ARHGAP42: variants seen among roughly 807,000 people sequenced by gnomAD.
ARHGAP42 encodes the protein rho GTPase-activating protein 42.
A neutral mutation model predicts 125.0 loss-of-function variants in ARHGAP42; 63 were observed. That is an observed-to-expected ratio of 0.50 (90% CI 0.41 to 0.62). The LOEUF is 0.62. ARHGAP42 is among the 20% of genes least tolerant of loss of function. The pLI, the probability that ARHGAP42 is intolerant of heterozygous loss-of-function variation, is 0.00. For synonymous variants in ARHGAP42, 339 were observed against 351.0 expected, an observed-to-expected ratio of 0.97 and a Z score of 0.38; for missense variants, 766 against 1,024.2, an observed-to-expected ratio of 0.75 and a Z score of 3.44.
intron 4 of ARHGAP42, among the ~76,000 whole-genome samples, chr11:100,873,070 A>G (rs1249678424): frequency 6.6e-6 from 1 of 152,202 alleles, no homozygotes; most frequent in African/African-American, 2.4e-5. Context: ...GTATAGTTCT[A>G]CCATCCAGCA....
At position 100,687,362 on chromosome 11, in the gene ARHGAP42, C is replaced by T. The variant is rs1238759113; in HGVS notation, c.-317C>T. ...GTCTGCGCGCCGTGAGAGAAACTTTCCTGCTCCGGCCGCGGCCCGGAGCCT... is the reference window on the plus strand; with the variant it reads ...GTCTGCGCGCCGTGAGAGAAACTTTTCTGCTCCGGCCGCGGCCCGGAGCCT... On this transcript the variant is annotated 5_prime_UTR_variant, in exon 1 of 24. Transcript: ENST00000298815. Among the ~76,000 whole-genome samples the T allele has an allele frequency of 6.6e-6, 1 of 152,078 alleles. No homozygotes were observed. The highest frequency in any genetic ancestry group is 1.5e-5 in the Non-Finnish European group (1 of 67,992).
intron 3 of ARHGAP42, among the ~76,000 whole-genome samples, chr11:100,820,032 G>A (rs1208837255): frequency 6.6e-6 from 1 of 152,108 alleles, no homozygotes; most frequent in Non-Finnish European, 1.5e-5. Context: ...CAGCCTGTTA[G>A]TATGCCACAG....
At chr11:100,841,880 C>G (rs1051035420) in intron 3 of ARHGAP42, among the ~76,000 whole-genome samples, 5 of 152,110 alleles carry the variant, frequency 3.3e-5, no homozygotes, top group African/African-American at 1.2e-4. Flanking sequence ...GCCACATCAT[C>G]TTGTTTTGTT....
At chr11:100,822,179 AT>A (rs1864419750) in intron 3 of ARHGAP42, among the ~76,000 whole-genome samples, 1 of 152,096 alleles carries the variant, frequency 6.6e-6, no homozygotes, top group Non-Finnish European at 1.5e-5. Flanking sequence ...TATTTTTAAT[AT>A]TTTCGTTCCA....
chr11:100,835,783 TC>T (rs71769484), intron 3 of ARHGAP42, among the ~76,000 whole-genome samples: 42,980 of 151,816 alleles, frequency 0.28, 6,487 homozygotes, highest in Non-Finnish European at 0.33. Flanking sequence ...TTCCATTGGA[TC>T]CCCCCTTATA....
At position 100,979,176 on chromosome 11, in the gene ARHGAP42, G is replaced by A; in HGVS notation, c.2456+127G>A. On this transcript the variant is annotated intron_variant, in intron 22 of 23. Transcript: ENST00000298815. The stretch of plus-strand genomic sequence containing the variant: ...CAGATGGTCAAATTTAAGTCCACTG[G>A]CCCTTCACAGGAAGTCATGTCTGTA... The A allele has an allele frequency of 6.0e-6, 5 of 832,788 alleles. No individual in the cohort carries two copies. The South Asian group carries it at 8.1e-5, about 14-fold the overall frequency. 51.6% of individuals were successfully genotyped at this position (832,788 alleles called of 1,614,324 possible).
At chr11:100,747,450 C>A (rs767859140) in intron 1 of ARHGAP42, among the ~76,000 whole-genome samples, 2 of 152,136 alleles carry the variant, frequency 1.3e-5, no homozygotes, top group Non-Finnish European at 2.9e-5. Flanking sequence ...TTTTTATAGA[C>A]GCTTTTTAAC....
intron 6 of ARHGAP42, among the ~76,000 whole-genome samples, chr11:100,923,691 G>A (rs1392450080): frequency 2.0e-5 from 3 of 152,112 alleles, no homozygotes; most frequent in African/African-American, 2.4e-5. Context: ...AAGCTATGAT[G>A]TCCTGTTAAG....
intron 4 of ARHGAP42, among the ~76,000 whole-genome samples, chr11:100,870,669 A>C (rs1489534826): frequency 6.6e-6 from 1 of 152,218 alleles, no homozygotes; most frequent in Non-Finnish European, 1.5e-5. Context: ...TTCCTTGGAA[A>C]ACACAAACAA....
At chr11:100,920,993 G>A (rs573292194) in intron 5 of ARHGAP42, among the ~76,000 whole-genome samples, 26 of 150,790 alleles carry the variant, frequency 1.7e-4, no homozygotes, top group East Asian at 3.9e-4. Flanking sequence ...CTTCTTCTCC[G>A]TGTGTTCATA....
At chr11:100,906,666 A>T (rs1376200560) in intron 4 of ARHGAP42, among the ~76,000 whole-genome samples, 1 of 152,000 alleles carries the variant, frequency 6.6e-6, no homozygotes, top group African/African-American at 2.4e-5. Flanking sequence ...CAGCAGTTCT[A>T]TTAGTCAGAT....
chr11:100,844,463 A>G (rs1565238528), intron 3 of ARHGAP42, among the ~76,000 whole-genome samples: 1 of 152,054 alleles, frequency 6.6e-6, no homozygotes, highest in Non-Finnish European at 1.5e-5. Context: ...TAATTAAACT[A>G]AAAAGCTTTT....
At chr11:100,935,499 TG>T (rs1387715387) in intron 7 of ARHGAP42, among the ~76,000 whole-genome samples, 2 of 152,194 alleles carry the variant, frequency 1.3e-5, no homozygotes, top group Non-Finnish European at 2.9e-5. Context: ...GAATTTATTT[TG>T]TTTTTTTCCC....
At chr11:100,959,997 A>C in intron 13 of ARHGAP42, 52 bp downstream of exon 13, 1 of 1,455,930 alleles carries the variant, frequency 6.9e-7, no homozygotes, top group South Asian at 1.2e-5. Context: ...TCATTCTTAC[A>C]TGGAAAACTC....
chr11:100,912,674 A>G (rs1460989938), intron 4 of ARHGAP42, among the ~76,000 whole-genome samples: 2 of 152,188 alleles, frequency 1.3e-5, no homozygotes, highest in Admixed American at 1.3e-4. Flanking sequence ...TCTTCCCTTC[A>G]ATATTTCATT....
intron 3 of ARHGAP42, among the ~76,000 whole-genome samples, chr11:100,801,564 T>C (rs1438487397): frequency 6.6e-6 from 1 of 152,230 alleles, no homozygotes; most frequent in Non-Finnish European, 1.5e-5. Context: ...GAACTTCCTC[T>C]TGTCTCCTTC....
intron 12 of ARHGAP42, among the ~76,000 whole-genome samples, chr11:100,957,320 C>G (rs1022176638): frequency 1.3e-5 from 2 of 151,984 alleles, no homozygotes; most frequent in African/African-American, 4.8e-5. Context: ...AAAAAAAAAC[C>G]TAGCATTGAA....
intron 1 of ARHGAP42, among the ~76,000 whole-genome samples, chr11:100,698,707 T>A (rs996425230): frequency 2.9e-4 from 43 of 150,582 alleles, no homozygotes; most frequent in African/African-American, 9.0e-4. Flanking sequence ...TTTTAAAAAA[T>A]TTATTTTTCA....
At chr11:100,796,421 C>T (rs1479578450) in intron 3 of ARHGAP42, among the ~76,000 whole-genome samples, 1 of 152,176 alleles carries the variant, frequency 6.6e-6, no homozygotes, top group Non-Finnish European at 1.5e-5. Flanking sequence ...AACTAAAAAC[C>T]TTACAGTGGC....
Sources: gnomAD v4.1 joint callset for allele counts (sites outside exome capture counted in the v4.1 genomes callset) on GRCh38, gnomAD v4.1.1 for gene constraint, MANE v1.5 for transcripts, NCBI Gene and HGNC (gene_info 2026-07-23, HGNC 2026-07-21) for gene names.